The following BRI3BP variants were observed in gnomAD, a reference collection of about 807,000 sequenced individuals.
BRI3BP encodes BRI3-binding protein.
BRI3BP carries 7 observed loss-of-function variants against 15.8 expected under a neutral mutation model. That is an observed-to-expected ratio of 0.44 (90% CI 0.25 to 0.83). BRI3BP has a LOEUF of 0.83. Ranked by LOEUF, BRI3BP falls within the 40% of genes least tolerant of loss-of-function variation. The probability of loss-of-function intolerance (pLI) is 0.20; values close to 1 mark genes in which losing one functional copy is unlikely to be tolerated. For missense variants in BRI3BP, 320 were observed against 339.3 expected (o/e 0.94, Z 0.45); for synonymous variants, 192 against 163.5 (o/e 1.17, Z -1.33).
intron 2 of BRI3BP, among the ~76,000 whole-genome samples, chr12:125,020,430 C>T (rs1955286962): frequency 6.6e-6 from 1 of 152,296 alleles, no homozygotes; most frequent in African/African-American, 2.4e-5. Context: ...GGGGCTCCAC[C>T]CCTACGACCT....
At chr12:125,043,269 G>A in the BRI3BP span, among the ~76,000 whole-genome samples, 1 of 152,106 alleles carries the variant, frequency 6.6e-6, no homozygotes, top group South Asian at 2.1e-4. Flanking sequence ...GTTCTCCTGA[G>A]GCTAAGCGTG....
intron 1 of BRI3BP, among the ~76,000 whole-genome samples, chr12:125,012,024 C>G (rs1279677425): frequency 1.3e-5 from 2 of 152,122 alleles, no homozygotes; most frequent in Admixed American, 1.3e-4. Context: ...GAGCCCATCT[C>G]TACAAAATAA....
Position 125,027,975 on chromosome 12 carries a change from C to G in BRI3BP, c.*2545C>G, listed in dbSNP as rs1955371667. 2.0e-5 allele frequency: 3 copies of G among 152,256 alleles called. No homozygotes were observed. Among genetic ancestry groups the G allele is most frequent in the African/African-American group, 4.8e-5 (2 of 41,460 alleles). The allele number at this position is 152,256 out of a possible 1,614,324, so 9.4% of individuals were successfully genotyped here. On this transcript the variant is annotated 3_prime_UTR_variant, in exon 3 of 3. Transcript: ENST00000341446. ...GTGCTGGGATTACAGGCGTGAGCCA[C>G]CGCGCTGGGCCTAGATCAAATCTTT...
intron 2 of BRI3BP, among the ~76,000 whole-genome samples, chr12:125,017,616 T>A (rs745526268): frequency 7.2e-5 from 11 of 152,188 alleles, no homozygotes; most frequent in Non-Finnish European, 1.5e-4. Flanking sequence ...ACTTGTCACA[T>A]TTCAAGGGCT....
At chr12:125,022,490 A>C (rs1243935151) in intron 2 of BRI3BP, among the ~76,000 whole-genome samples, 1 of 127,900 alleles carries the variant, frequency 7.8e-6, no homozygotes, top group Admixed American at 7.9e-5. Context: ...TGAGAAATTC[A>C]AGTGATGTTA....
At chr12:125,024,566 G>A (rs991683062) in intron 2 of BRI3BP, among the ~76,000 whole-genome samples, 4 of 152,182 alleles carry the variant, frequency 2.6e-5, no homozygotes, top group South Asian at 2.1e-4. Flanking sequence ...TTGGGAGGCC[G>A]AGGCAGGTGG....
At position 125,015,868 on chromosome 12, in the gene BRI3BP, G is replaced by C. The variant is rs539450774; in HGVS notation, c.316+3232G>C. Among the ~76,000 whole-genome samples the C allele has an allele frequency of 5.9e-5, 9 of 152,342 alleles. No homozygotes were observed. In the East Asian group the frequency reaches 1.7e-3, roughly 29 times the overall value. Reference sequence around the variant, plus strand: ...ATGGCCCCTCCAGGGACTTGGCAGAGTTAACGCACCCTCCCCCAGATGCAG... The same window carrying C: ...ATGGCCCCTCCAGGGACTTGGCAGACTTAACGCACCCTCCCCCAGATGCAG... On this transcript the variant is annotated intron_variant, in intron 2 of 2. Coordinates refer to ENST00000341446, the MANE Select transcript of BRI3BP (RefSeq NM_080626.6).
rs569194877 is a variant in BRI3BP at position 125,001,239 on chromosome 12, G to A, written c.213+7236G>A. On this transcript the variant is annotated intron_variant, in intron 1 of 2. Transcript: ENST00000341446. ...CCGGCTAATTTTTTTTGTATTTTTA[G>A]TAGAGATGGGGTTTCACCGTGTTAG... Among the ~76,000 whole-genome samples, 462 of 152,034 alleles carry A rather than the reference G, an allele frequency of 3.0e-3. 1 individual carries two copies. The highest frequency in any genetic ancestry group is 5.4e-3 in the Non-Finnish European group (369 of 67,986).
rs756396909 is a variant in BRI3BP at position 125,025,116 on chromosome 12, A to C, written c.442A>C (p.Ser148Arg). The change falls in exon 3 of 3, where the codon AGC (serine) becomes CGC (arginine). Residue 148 changes from serine (S) to arginine (R), a missense_variant. By Grantham distance (110) the Ser-to-Arg change is moderately radical. Coordinates refer to ENST00000341446, the MANE Select transcript of BRI3BP (RefSeq NM_080626.6). ...GTCCCTGACCCTGGGCTTCACTTTCAGCGTCCTGCACGTGGTGTTCGGCCG... is the reference window on the plus strand; with the variant it reads ...GTCCCTGACCCTGGGCTTCACTTTCCGCGTCCTGCACGTGGTGTTCGGCCG... ...FLSLTLGFTF[S>R]VLHVVFGRFF... The C allele has an allele frequency of 8.7e-6, 14 of 1,613,744 alleles. No homozygotes were observed. In the Admixed American group the frequency reaches 1.7e-4, roughly 19 times the overall value.
downstream of BRI3BP, among the ~76,000 whole-genome samples, chr12:125,035,228 T>C (rs1267613863): frequency 6.6e-6 from 1 of 152,158 alleles, no homozygotes; most frequent in Non-Finnish European, 1.5e-5. Context: ...CTGGATTATA[T>C]TGAGGGTATA....
At chr12:125,042,271 G>C in the BRI3BP span, among the ~76,000 whole-genome samples, 1 of 152,124 alleles carries the variant, frequency 6.6e-6, no homozygotes, top group African/African-American at 2.4e-5. Flanking sequence ...CACAGTACCC[G>C]ATAGGTAGTT....
chr12:124,998,213 G>A (rs1955056635), intron 1 of BRI3BP, among the ~76,000 whole-genome samples: 1 of 152,000 alleles, frequency 6.6e-6, no homozygotes. Context: ...AATAGATTGA[G>A]CCCGGGAGGC....
At chr12:125,041,015 GC>G in the BRI3BP span, among the ~76,000 whole-genome samples, 1 of 151,574 alleles carries the variant, frequency 6.6e-6, no homozygotes, top group African/African-American at 2.4e-5. Flanking sequence ...ACAGGCATGA[GC>G]CACCGTGCCT....
chr12:124,995,096 T>C (rs901400233), intron 1 of BRI3BP, among the ~76,000 whole-genome samples: 2 of 152,230 alleles, frequency 1.3e-5, no homozygotes, highest in Non-Finnish European at 2.9e-5. Flanking sequence ...CGAAATCAGA[T>C]TGACTGCATG....
chr12:125,043,931 G>A, the BRI3BP span, among the ~76,000 whole-genome samples: 1 of 151,802 alleles, frequency 6.6e-6, no homozygotes, highest in East Asian at 1.9e-4. Context: ...AGGCTGAGGT[G>A]TGAGGATCCC....
the BRI3BP span, among the ~76,000 whole-genome samples, chr12:125,038,074 C>G: frequency 1.3e-5 from 2 of 151,906 alleles, no homozygotes; most frequent in Non-Finnish European, 2.9e-5. Flanking sequence ...GAGTGGATCA[C>G]TTGAGCTCAG....
chr12:125,041,885 G>T, the BRI3BP span, among the ~76,000 whole-genome samples: 1 of 151,986 alleles, frequency 6.6e-6, no homozygotes, highest in Admixed American at 6.6e-5. Context: ...GTAGAGATGG[G>T]GTCTCACTAT....
At chr12:125,017,036 G>A (rs1242190400) in intron 2 of BRI3BP, among the ~76,000 whole-genome samples, 5 of 144,552 alleles carry the variant, frequency 3.5e-5, no homozygotes, top group Non-Finnish European at 6.0e-5. Context: ...TTTTTTTTCT[G>A]AGACCGAGTA....
chr12:125,011,747 G>C (rs1955198260), intron 1 of BRI3BP, among the ~76,000 whole-genome samples: 1 of 152,068 alleles, frequency 6.6e-6, no homozygotes, highest in Non-Finnish European at 1.5e-5. Context: ...TTAAAATGAG[G>C]CTGTACCTTG....
Sources: allele counts gnomAD v4.1 joint callset (sites outside exome capture counted in the v4.1 genomes callset), GRCh38; gene constraint gnomAD v4.1.1; transcripts MANE v1.5; gene names NCBI Gene and HGNC (gene_info 2026-07-23, HGNC 2026-07-21).